The following OXR1 variants were observed in gnomAD, a reference collection of about 807,000 sequenced individuals.
The protein encoded by OXR1 is oxidation resistance 1, also known as oxidation resistance protein 1.
Under a neutral mutation model 104.6 loss-of-function variants are expected in OXR1, and 41 were observed. That is an observed-to-expected ratio of 0.39 (90% CI 0.31 to 0.51). The LOEUF is 0.51. OXR1 is among the 20% of genes least tolerant of loss of function. The pLI, the probability that OXR1 is intolerant of heterozygous loss-of-function variation, is 0.77. For missense variants in OXR1, 955 were observed against 1,031.9 expected (o/e 0.93, Z 1.02); for synonymous variants, 348 against 348.4 (o/e 1.00, Z 0.01).
chr8:106,469,697 C>T (rs563722550), intron 2 of OXR1, among the ~76,000 whole-genome samples: 3 of 151,948 alleles, frequency 2.0e-5, no homozygotes, highest in African/African-American at 7.2e-5. Flanking sequence ...TCCTCAAGGT[C>T]TCCCTTGGTG....
intron 3 of OXR1, among the ~76,000 whole-genome samples, chr8:106,572,852 T>C (rs1817571318): frequency 6.6e-6 from 1 of 152,110 alleles, no homozygotes. Context: ...CCCCTTCTTA[T>C]TAGTACAGAA....
At chr8:106,458,021 A>G (rs1820696893) in intron 2 of OXR1, among the ~76,000 whole-genome samples, 1 of 152,150 alleles carries the variant, frequency 6.6e-6, no homozygotes, top group Middle Eastern at 3.2e-3. Flanking sequence ...AAAAATTTGG[A>G]AAACTCTCAG....
chr8:106,301,617 G>T, intron 1 of OXR1, among the ~76,000 whole-genome samples: 1 of 152,154 alleles, frequency 6.6e-6, no homozygotes, highest in Admixed American at 6.5e-5. Flanking sequence ...ATTGTAAATA[G>T]TACCCAGACT....
At chr8:106,313,692 A>G (rs1487364609) in intron 1 of OXR1, among the ~76,000 whole-genome samples, 1 of 152,158 alleles carries the variant, frequency 6.6e-6, no homozygotes, top group Non-Finnish European at 1.5e-5. Flanking sequence ...GCCTAGAGAT[A>G]TATTATTTCT....
intron 2 of OXR1, among the ~76,000 whole-genome samples, chr8:106,428,590 G>T (rs1202802603): frequency 6.6e-6 from 1 of 151,102 alleles, no homozygotes; most frequent in African/African-American, 2.4e-5. Context: ...ACACTCATGG[G>T]CCTGGAGCTG....
chr8:106,478,483 G>A (rs973559118), intron 2 of OXR1, among the ~76,000 whole-genome samples: 1 of 151,778 alleles, frequency 6.6e-6, no homozygotes, highest in Non-Finnish European at 1.5e-5. Context: ...AAATCTCATG[G>A]TTGAATTCTT....
chr8:106,715,439 CTT>C (rs1491224137), intron 11 of OXR1, among the ~76,000 whole-genome samples: 9 of 147,150 alleles, frequency 6.1e-5, no homozygotes, highest in East Asian at 4.0e-4. Flanking sequence ...ATATATGTAT[CTT>C]ATATATATAT....
intron 3 of OXR1, among the ~76,000 whole-genome samples, chr8:106,629,535 T>C (rs1822488213): frequency 6.6e-6 from 1 of 152,226 alleles, no homozygotes; most frequent in Non-Finnish European, 1.5e-5. Context: ...TAAATCATTG[T>C]CATTGCCACT....
In OXR1 at chr8:106,700,314, A is replaced by G. The variant is rs79493493; in HGVS notation, c.676-2592A>G. Among the ~76,000 whole-genome samples the G allele has an allele frequency of 2.6e-3, 394 of 152,326 alleles. 1 individual carries two copies. The highest frequency in any genetic ancestry group is 9.1e-3 in the African/African-American group (377 of 41,586). On this transcript the variant is annotated intron_variant, in intron 7 of 16. Transcript: ENST00000517566. Reference sequence around the variant, plus strand: ...TAAGCTTATGATTTTCAACTTGATCAAATGAATTTGAGAATTTACTTTTTC... The same window carrying G: ...TAAGCTTATGATTTTCAACTTGATCGAATGAATTTGAGAATTTACTTTTTC...
intron 1 of OXR1, among the ~76,000 whole-genome samples, chr8:106,308,807 C>T (rs904149475): frequency 6.6e-6 from 1 of 152,128 alleles, no homozygotes; most frequent in Admixed American, 6.6e-5. Context: ...TAAATGTGTA[C>T]ATTTACATAG....
At chr8:106,341,793 C>T (rs1360028766) in intron 1 of OXR1, among the ~76,000 whole-genome samples, 2 of 152,082 alleles carry the variant, frequency 1.3e-5, no homozygotes, top group East Asian at 1.9e-4. Flanking sequence ...CCAAGATCAC[C>T]TCATTTTGTC....
intron 2 of OXR1, among the ~76,000 whole-genome samples, chr8:106,444,310 A>G (rs2130596572): frequency 6.6e-6 from 1 of 152,324 alleles, no homozygotes; most frequent in Middle Eastern, 3.4e-3. Flanking sequence ...AACCAGAAAT[A>G]ACATTTGTTC....
At chr8:106,747,662 G>T (rs544829216) in intron 16 of OXR1, among the ~76,000 whole-genome samples, 2 of 152,184 alleles carry the variant, frequency 1.3e-5, no homozygotes, top group Non-Finnish European at 2.9e-5. Flanking sequence ...TAAATATTTG[G>T]ATATCACATA....
intron 7 of OXR1, among the ~76,000 whole-genome samples, chr8:106,696,912 G>A (rs1179725445): frequency 5.9e-5 from 9 of 152,168 alleles, no homozygotes; most frequent in Non-Finnish European, 1.0e-4. Context: ...GATGTGTGGT[G>A]AGCACAGTCA....
rs3132806 is a variant in OXR1 at position 106,675,909 on chromosome 8, G to C, written c.221-3301G>C. The stretch of plus-strand genomic sequence containing the variant: ...GGTGTTAAAGTCTCTGAGTATTATC[G>C]TTTGGGAGTATAAGTCTCTTTGTAG... On this transcript the variant is annotated intron_variant, in intron 3 of 16. Transcript: ENST00000517566. 3.7e-3 allele frequency among the ~76,000 whole-genome samples: 559 copies of C among 151,962 alleles called. 7 individuals are homozygous for C. The highest frequency in any genetic ancestry group is 0.013 in the African/African-American group (541 of 41,404).
chr8:106,369,716 G>A (rs556745439), intron 2 of OXR1, among the ~76,000 whole-genome samples: 62 of 152,230 alleles, frequency 4.1e-4, no homozygotes, highest in African/African-American at 1.4e-3. Context: ...TAGATGTGTC[G>A]TGTTATTTCT....
At chr8:106,372,134 T>A (rs1816732599) in intron 2 of OXR1, among the ~76,000 whole-genome samples, 1 of 152,222 alleles carries the variant, frequency 6.6e-6, no homozygotes, top group African/African-American at 2.4e-5. Context: ...GTTGGAACAG[T>A]AGGCCTGGTG....
intron 3 of OXR1, among the ~76,000 whole-genome samples, chr8:106,540,216 C>T (rs1814844834): frequency 6.6e-6 from 1 of 152,008 alleles, no homozygotes; most frequent in Non-Finnish European, 1.5e-5. Flanking sequence ...ATCAGGAGCA[C>T]AGAGATACAT....
At chr8:106,699,281 G>A (rs1056671317) in intron 7 of OXR1, among the ~76,000 whole-genome samples, 2 of 152,120 alleles carry the variant, frequency 1.3e-5, no homozygotes, top group Admixed American at 1.3e-4. Flanking sequence ...TTGGATAGCT[G>A]CGATACATGT....
Sources: allele counts gnomAD v4.1 joint callset (sites outside exome capture counted in the v4.1 genomes callset), GRCh38; gene constraint gnomAD v4.1.1; transcripts MANE v1.5; gene names NCBI Gene and HGNC (gene_info 2026-07-23, HGNC 2026-07-21).